PRORP: variants seen among roughly 807,000 people sequenced by gnomAD.
PRORP encodes the protein mitochondrial ribonuclease P catalytic subunit.
A neutral mutation model predicts 59.4 loss-of-function variants in PRORP; 51 were observed. That is an observed-to-expected ratio of 0.86 (90% CI 0.69 to 1.08). PRORP has a LOEUF of 1.08. Among genes scored for constraint, PRORP ranks in the 50% least tolerant of loss-of-function variants. PRORP has a pLI of 0.00. For synonymous variants in PRORP, 231 were observed against 245.6 expected, an observed-to-expected ratio of 0.94 and a Z score of 0.55; for missense variants, 646 against 690.3, an observed-to-expected ratio of 0.94 and a Z score of 0.72.
At chr14:35,221,805 T>G (rs371474280) in intron 5 of PRORP, among the ~76,000 whole-genome samples, 3 of 152,232 alleles carry the variant, frequency 2.0e-5, no homozygotes, top group Admixed American at 1.3e-4. Context: ...ATCACAGTCA[T>G]GTTTGTTTAT....
At chr14:35,182,261 A>G (rs2415274) in intron 5 of PRORP, among the ~76,000 whole-genome samples, 58,444 of 151,660 alleles carry the variant, frequency 0.39, 11,910 homozygotes, top group East Asian at 0.69. Flanking sequence ...ACAAGACTAC[A>G]TCTCAAAAAA....
chr14:35,214,861 C>T (rs28396127), intron 5 of PRORP, among the ~76,000 whole-genome samples: 4,639 of 152,250 alleles, frequency 0.03, 215 homozygotes, highest in African/African-American at 0.1. Context: ...GAGCCGAGAT[C>T]GTGCCACTGC....
At chr14:35,148,261 A>G (rs937232442) in intron 4 of PRORP, among the ~76,000 whole-genome samples, 1 of 152,220 alleles carries the variant, frequency 6.6e-6, no homozygotes, top group Non-Finnish European at 1.5e-5. Flanking sequence ...TTTTCAAATA[A>G]TAAGACTAGA....
intron 5 of PRORP, among the ~76,000 whole-genome samples, chr14:35,200,090 CA>C (rs2049108388): frequency 1.3e-5 from 2 of 152,124 alleles, no homozygotes; most frequent in East Asian, 3.8e-4. Flanking sequence ...AGTATTTTAA[CA>C]GTATTAATAT....
At position 35,227,317 on chromosome 14, in the gene PRORP, G is replaced by A. The variant is rs1470099687; in HGVS notation, c.1276-39410G>A. ...AATTTAGTCGGGCGTGGTGGCAGGCGCCTGTAGTCCCAGCTACTTGGGAGG... is the reference window on the plus strand; with the variant it reads ...AATTTAGTCGGGCGTGGTGGCAGGCACCTGTAGTCCCAGCTACTTGGGAGG... On this transcript the variant is annotated intron_variant, in intron 5 of 7. Transcript: ENST00000534898. 4.6e-5 allele frequency among the ~76,000 whole-genome samples: 7 copies of A among 151,822 alleles called. No individual in the cohort carries two copies. The South Asian group carries it at 6.3e-4, about 14-fold the overall frequency.
chr14:35,146,048 C>G (rs2047603090), intron 4 of PRORP, among the ~76,000 whole-genome samples: 1 of 151,928 alleles, frequency 6.6e-6, no homozygotes, highest in Non-Finnish European at 1.5e-5. Flanking sequence ...CCAGGCTGGT[C>G]TCAAACTCCT....
At chr14:35,232,052 T>C (rs2050094458) in intron 5 of PRORP, among the ~76,000 whole-genome samples, 1 of 152,226 alleles carries the variant, frequency 6.6e-6, no homozygotes. Flanking sequence ...TATAACAGTT[T>C]ACAGATCACT....
intron 4 of PRORP, among the ~76,000 whole-genome samples, chr14:35,155,650 T>C (rs2047896206): frequency 6.6e-6 from 1 of 151,544 alleles, no homozygotes; most frequent in Non-Finnish European, 1.5e-5. Context: ...CAGTGCTTTC[T>C]TAGTGATTTT....
chr14:35,188,868 C>T (rs943522546), intron 5 of PRORP, among the ~76,000 whole-genome samples: 16 of 146,600 alleles, frequency 1.1e-4, no homozygotes, highest in Middle Eastern at 3.6e-3. Context: ...ACCAGCTACT[C>T]GGGAGGCGGA....
intron 5 of PRORP, among the ~76,000 whole-genome samples, chr14:35,245,224 A>G (rs1007792717): frequency 9.2e-5 from 14 of 152,236 alleles, no homozygotes; most frequent in African/African-American, 3.1e-4. Flanking sequence ...AAAATTTTTT[A>G]CATTTTCAAT....
chr14:35,230,344 G>T (rs139406212), intron 5 of PRORP, among the ~76,000 whole-genome samples: 48 of 152,296 alleles, frequency 3.2e-4, no homozygotes, highest in Non-Finnish European at 4.0e-4. Context: ...GAGCCACCAC[G>T]CCCAACCCAT....
intron 5 of PRORP, among the ~76,000 whole-genome samples, chr14:35,206,110 A>G (rs2049287478): frequency 6.6e-6 from 1 of 152,204 alleles, no homozygotes; most frequent in Admixed American, 6.5e-5. Flanking sequence ...CTTGAAGTGC[A>G]TTTTCAGACT....
intron 4 of PRORP, among the ~76,000 whole-genome samples, chr14:35,155,308 T>C (rs2138917138): frequency 1.3e-5 from 2 of 152,278 alleles, no homozygotes; most frequent in South Asian, 4.1e-4. Flanking sequence ...TGGAGTTATA[T>C]ATGAAACAAG....
chr14:35,250,890 G>A (rs192956254), intron 5 of PRORP, among the ~76,000 whole-genome samples: 150 of 150,774 alleles, frequency 9.9e-4, no homozygotes, highest in Non-Finnish European at 1.7e-3. Flanking sequence ...TTTTATTTCC[G>A]TAGGTTATTG....
At chr14:35,203,636 G>A (rs554475952) in intron 5 of PRORP, among the ~76,000 whole-genome samples, 128 of 152,242 alleles carry the variant, frequency 8.4e-4, no homozygotes, top group African/African-American at 2.8e-3. Flanking sequence ...AGGCCGAGGC[G>A]GGCGGATCAC....
intron 5 of PRORP, among the ~76,000 whole-genome samples, chr14:35,189,724 C>T (rs2048834503): frequency 2.0e-5 from 3 of 151,996 alleles, no homozygotes; most frequent in African/African-American, 4.8e-5. Context: ...TTCTTGTGTT[C>T]GTGCATGACT....
intron 5 of PRORP, chr14:35,263,020 A>G: frequency 6.3e-7 from 1 of 1,591,952 alleles, no homozygotes. Context: ...GGAACTGTTC[A>G]GCCGGCTGAT....
chr14:35,180,538 G>GTT, intron 4 of PRORP, 132 bp from the exon 5 acceptor site: 1 of 608,254 alleles, frequency 1.6e-6, no homozygotes. Flanking sequence ...GTGTGTGTGT[G>GTT]TGTGTGTGTG....
chr14:35,262,543 G>A (rs111907405), intron 5 of PRORP: 1 of 652,588 alleles, frequency 1.5e-6, no homozygotes. Flanking sequence ...TACTGTGAAA[G>A]GCCCCAGAGG....
Sources: gnomAD v4.1 joint callset for allele counts (sites outside exome capture counted in the v4.1 genomes callset) on GRCh38, gnomAD v4.1.1 for gene constraint, MANE v1.5 for transcripts, NCBI Gene and HGNC (gene_info 2026-07-23, HGNC 2026-07-21) for gene names.